DOCK4: variants seen among roughly 807,000 people sequenced by gnomAD.
DOCK4 encodes dedicator of cytokinesis protein 4.
A neutral mutation model predicts 268.1 loss-of-function variants in DOCK4; 97 were observed. That is an observed-to-expected ratio of 0.36 (90% CI 0.31 to 0.43). The LOEUF is 0.43. Ranked by LOEUF, DOCK4 falls within the 20% of genes least tolerant of loss-of-function variation. DOCK4 has a pLI of 1.00. For missense variants in DOCK4, 2,145 were observed against 2,455.7 expected (o/e 0.87, Z 2.67); for synonymous variants, 954 against 887.2 (o/e 1.08, Z -1.34).
chr7:111,981,918 A>C (rs1250603606), intron 7 of DOCK4, among the ~76,000 whole-genome samples: 1 of 152,224 alleles, frequency 6.6e-6, no homozygotes, highest in African/African-American at 2.4e-5. Flanking sequence ...CCCATATATA[A>C]TGTTACATGA....
intron 11 of DOCK4, among the ~76,000 whole-genome samples, chr7:111,939,381 G>T (rs1795016664): frequency 2.6e-5 from 4 of 151,872 alleles, no homozygotes; most frequent in African/African-American, 9.7e-5. Flanking sequence ...TGGGTGTGGT[G>T]GCGGGCGCCT....
intron 5 of DOCK4, among the ~76,000 whole-genome samples, chr7:111,990,030 A>C (rs2135221478): frequency 6.6e-6 from 1 of 152,338 alleles, no homozygotes; most frequent in Admixed American, 6.5e-5. Flanking sequence ...TACTGGCTGA[A>C]AAAGCTTTGA....
chr7:111,743,852 C>A (rs1796094732), intron 44 of DOCK4, among the ~76,000 whole-genome samples: 1 of 152,178 alleles, frequency 6.6e-6, no homozygotes, highest in African/African-American at 2.4e-5. Context: ...CAGAGTCTCA[C>A]TCTGCTGCCC....
chr7:111,789,031 T>C (rs1799360107), intron 31 of DOCK4: 4 of 438,202 alleles, frequency 9.1e-6, no homozygotes, highest in East Asian at 3.9e-5. Context: ...GTTTAAACGT[T>C]TGAATTCTTT....
At chr7:111,983,665 G>C (rs1163989202) in intron 7 of DOCK4, among the ~76,000 whole-genome samples, 1 of 151,994 alleles carries the variant, frequency 6.6e-6, no homozygotes, top group Non-Finnish European at 1.5e-5. Context: ...AAAAACTCAA[G>C]TCATAAGTGA....
intron 16 of DOCK4, among the ~76,000 whole-genome samples, chr7:111,884,493 T>A (rs899066995): frequency 1.3e-5 from 2 of 152,172 alleles, no homozygotes; most frequent in Admixed American, 6.5e-5. Context: ...CATTTTTAAT[T>A]TATAGATAAA....
rs1299161996 is a variant in DOCK4 at position 112,093,652 on chromosome 7, T to TA, written c.38-89522dup. Among the ~76,000 whole-genome samples the TA allele has an allele frequency of 3.9e-5, 6 of 152,300 alleles. No individual in the cohort carries two copies. The South Asian group carries it at 1.0e-3, about 26-fold the overall frequency. On this transcript the variant is annotated intron_variant, in intron 1 of 52. Coordinates refer to ENST00000428084, the MANE Select transcript of DOCK4 (RefSeq NM_001363540.2). The stretch of plus-strand genomic sequence containing the variant: ...CTGCATAAGCAAAGCGACCTTTCTG[T>TA]AAAGAAACTCTTATTACTGTGATAT...
intron 1 of DOCK4, among the ~76,000 whole-genome samples, chr7:112,137,286 A>C (rs1477643273): frequency 6.6e-6 from 1 of 152,186 alleles, no homozygotes; most frequent in Admixed American, 6.5e-5. Context: ...ATCATCCCAG[A>C]GAGTTCCTCC....
In DOCK4 at chr7:112,031,802, T is replaced by A. The variant is rs139185443; in HGVS notation, c.38-27671A>T. Among the ~76,000 whole-genome samples, 333 of 152,294 alleles carry A rather than the reference T, an allele frequency of 2.2e-3. 1 individual carries two copies. The highest frequency in any genetic ancestry group is 7.6e-3 in the African/African-American group (315 of 41,558). ...GAAACATACAGGTTTATAAGAGAGATGCTGACAAACCAGAATTACAGTGAG... is the reference window on the plus strand; with the variant it reads ...GAAACATACAGGTTTATAAGAGAGAAGCTGACAAACCAGAATTACAGTGAG... On this transcript the variant is annotated intron_variant, in intron 1 of 52. Coordinates refer to ENST00000428084, the MANE Select transcript of DOCK4 (RefSeq NM_001363540.2).
rs113948361 is a variant in DOCK4, at chr7:112,069,631, C to G, written c.38-65500G>C. ...TCACACAAGAGCTTTCTCTTTAAAA[C>G]TTGGCTTCCTTGTTCTTGTTGCTGT... On this transcript the variant is annotated intron_variant, in intron 1 of 52. Transcript: ENST00000428084. Among the ~76,000 whole-genome samples, 501 of 152,172 alleles carry G rather than the reference C, an allele frequency of 3.3e-3. 3 individuals are homozygous for G. The highest frequency in any genetic ancestry group is 0.011 in the African/African-American group (477 of 41,516).
At chr7:112,105,095 C>T (rs1414974397) in intron 1 of DOCK4, among the ~76,000 whole-genome samples, 1 of 151,846 alleles carries the variant, frequency 6.6e-6, no homozygotes, top group African/African-American at 2.4e-5. Flanking sequence ...ATATTGAGTG[C>T]ATTTTTCTGC....
rs114767297 is a variant in DOCK4, at chr7:112,065,389, G to A, written c.38-61258C>T. Among the ~76,000 whole-genome samples the A allele has an allele frequency of 5.9e-3, 900 of 152,034 alleles. 19 individuals are homozygous for A. Among genetic ancestry groups the A allele is most frequent in the African/African-American group, 0.02 (829 of 41,440 alleles). ...GGAAGCTCTCCCTGACCACCGTAGC[G>A]AAAGTTATTCTCCCTCAGTGCCTTG... is the stretch of plus-strand genomic sequence containing the variant. On this transcript the variant is annotated intron_variant, in intron 1 of 52. Transcript: ENST00000428084.
At chr7:112,205,326 T>C (rs979122720) in intron 1 of DOCK4, among the ~76,000 whole-genome samples, 2 of 152,026 alleles carry the variant, frequency 1.3e-5, no homozygotes, top group Non-Finnish European at 2.9e-5. Context: ...CCTCCCCATT[T>C]ATCACTCAGC....
intron 27 of DOCK4, chr7:111,820,242 C>T (rs1273075858): frequency 6.6e-6 from 1 of 152,212 alleles, no homozygotes; most frequent in Non-Finnish European, 1.5e-5. Flanking sequence ...ACTGGCTGCT[C>T]CAACTTGGCA....
intron 12 of DOCK4, among the ~76,000 whole-genome samples, chr7:111,920,039 G>A (rs942981372): frequency 7.9e-5 from 12 of 152,132 alleles, no homozygotes; most frequent in Admixed American, 1.3e-4. Context: ...AAGGAAAGAC[G>A]TAGCAAATAT....
chr7:112,159,524 C>T (rs1050788248), intron 1 of DOCK4, among the ~76,000 whole-genome samples: 19 of 152,116 alleles, frequency 1.2e-4, no homozygotes, highest in Non-Finnish European at 2.2e-4. Context: ...TACAGACAAA[C>T]GGCCCTACTT....
chr7:111,892,025 T>C (rs1244197878), intron 16 of DOCK4, among the ~76,000 whole-genome samples: 2 of 152,206 alleles, frequency 1.3e-5, no homozygotes, highest in African/African-American at 2.4e-5. Context: ...TTGAAATGTG[T>C]TTCAGCCTAG....
At chr7:112,000,123 A>G (rs1360712608) in intron 3 of DOCK4, among the ~76,000 whole-genome samples, 3 of 152,126 alleles carry the variant, frequency 2.0e-5, no homozygotes, top group African/African-American at 2.4e-5. Flanking sequence ...ATATTTTACA[A>G]ATGATACCAT....
At position 111,726,849 on chromosome 7, in the gene DOCK4, A is replaced by C. The variant is rs1349652154; in HGVS notation, c.*1425T>G. ...AAAATACTTGAACATTTATTATAGAAAACCTCTATAACCAGCCTCAACAGC... is the reference window on the plus strand; with the variant it reads ...AAAATACTTGAACATTTATTATAGACAACCTCTATAACCAGCCTCAACAGC... On this transcript the variant is annotated 3_prime_UTR_variant, in exon 53 of 53. Transcript: ENST00000428084. 1 of 152,610 alleles carries C rather than the reference A, an allele frequency of 6.6e-6. No individual in the cohort carries two copies. The highest frequency in any genetic ancestry group is 1.5e-5 in the Non-Finnish European group (1 of 68,024). 9.5% of individuals were successfully genotyped at this position (152,610 alleles called of 1,614,324 possible).
Sources: allele counts gnomAD v4.1 joint callset (sites outside exome capture counted in the v4.1 genomes callset), GRCh38; gene constraint gnomAD v4.1.1; transcripts MANE v1.5; gene names NCBI Gene and HGNC (gene_info 2026-07-23, HGNC 2026-07-21).